ANK2: variants seen among roughly 807,000 people sequenced by gnomAD.
The protein encoded by ANK2 is ankyrin 2.
A neutral mutation model predicts 360.5 loss-of-function variants in ANK2; 83 were observed. That is an observed-to-expected ratio of 0.23 (90% CI 0.19 to 0.28). The LOEUF (loss-of-function observed/expected upper bound fraction) is 0.28. ANK2 is among the 10% of genes least tolerant of loss of function. The pLI is 1.00. For missense variants in ANK2, 4,201 were observed against 4,795.7 expected (o/e 0.88, Z 3.66); for synonymous variants, 1,740 against 1,759.5 (o/e 0.99, Z 0.28).
At chr4:112,868,769 A>G (rs2071660031) in intron 1 of ANK2, among the ~76,000 whole-genome samples, 1 of 152,200 alleles carries the variant, frequency 6.6e-6, no homozygotes, top group African/African-American at 2.4e-5. Context: ...ATGTTTTGAT[A>G]TGTATATATA....
At chr4:112,779,801 T>C in the ANK2 span, among the ~76,000 whole-genome samples, 1 of 152,234 alleles carries the variant, frequency 6.6e-6, no homozygotes, top group Non-Finnish European at 1.5e-5. Flanking sequence ...ATGAAACCTT[T>C]ATGATAGAGC....
chr4:112,880,409 A>G (rs993231179), intron 1 of ANK2: 4 of 152,194 alleles, frequency 2.6e-5, no homozygotes, highest in Non-Finnish European at 5.9e-5. Context: ...TACAAAGTCA[A>G]TGAGTATTGG....
intron 24 of ANK2, among the ~76,000 whole-genome samples, chr4:113,313,904 A>G (rs961098424): frequency 6.6e-6 from 1 of 152,228 alleles, no homozygotes; most frequent in African/African-American, 2.4e-5. Flanking sequence ...CTGAGCTAGA[A>G]GAGGTGAATA....
At chr4:112,904,406 A>G (rs2084507260) in intron 1 of ANK2, 2 of 1,098,844 alleles carry the variant, frequency 1.8e-6, no homozygotes, top group South Asian at 1.6e-5. Flanking sequence ...TTAATGATAA[A>G]TTGAAATGAT....
rs558848519 is a variant in ANK2, at chr4:113,163,010, A to AT, written c.85-11405dup. Among the ~76,000 whole-genome samples the AT allele has an allele frequency of 3.7e-3, 556 of 152,310 alleles. 4 individuals carry two copies. Among genetic ancestry groups the AT allele is most frequent in the African/African-American group, 0.013 (525 of 41,576 alleles). ...TATAATTTTTTTCCAGTAGGTTTAC[A>AT]TATTTAGATAGATACAGCTAGATCC... On this transcript the variant is annotated intron_variant, in intron 1 of 45. Transcript: ENST00000357077.
chr4:113,375,638 T>C (rs2096899627), intron 45 of ANK2, among the ~76,000 whole-genome samples: 1 of 151,018 alleles, frequency 6.6e-6, no homozygotes, highest in South Asian at 2.1e-4. Flanking sequence ...GGCAGGAGAA[T>C]GGTGTGAACC....
At chr4:112,746,520 A>AT in the ANK2 span, among the ~76,000 whole-genome samples, 1 of 151,370 alleles carries the variant, frequency 6.6e-6, no homozygotes, top group South Asian at 2.1e-4. Flanking sequence ...AAAAAAAAAA[A>AT]AAAGAGAAAA....
At position 112,955,091 on chromosome 4, in the gene ANK2, T is replaced by A. The variant is rs2154255212; in HGVS notation, c.21+50577T>A. On this transcript the variant is annotated intron_variant, in intron 2 of 30. Transcript: ENST00000503271. ...ATGACAATGTAAGTGAAAAATAGGA[T>A]GAAAATTATTCTTTGATATAAATCA... 2.0e-5 allele frequency among the ~76,000 whole-genome samples: 3 copies of A among 152,278 alleles called. No individual in the cohort carries two copies. In the South Asian group the frequency reaches 6.2e-4, roughly 32 times the overall value.
chr4:113,144,759 T>C (rs926144816), intron 1 of ANK2, among the ~76,000 whole-genome samples: 5 of 147,696 alleles, frequency 3.4e-5, no homozygotes, highest in Non-Finnish European at 7.5e-5. Flanking sequence ...ATATTTTATA[T>C]GGTTTTTAAA....
At chr4:113,208,341 T>A (rs1427034572) in intron 4 of ANK2, among the ~76,000 whole-genome samples, 1 of 151,898 alleles carries the variant, frequency 6.6e-6, no homozygotes, top group African/African-American at 2.4e-5. Context: ...GGGACTGTTA[T>A]AAGACTGATT....
chr4:113,201,083 T>C (rs1034715511), intron 4 of ANK2, among the ~76,000 whole-genome samples: 1 of 152,032 alleles, frequency 6.6e-6, no homozygotes. Context: ...TAACGATTTC[T>C]TTTCCTTTGG....
At chr4:112,836,677 CAA>C (rs1486917727) in intron 1 of ANK2, among the ~76,000 whole-genome samples, 1 of 152,186 alleles carries the variant, frequency 6.6e-6, no homozygotes, top group Non-Finnish European at 1.5e-5. Flanking sequence ...CATGCTTTAG[CAA>C]AGAGACTGGT....
chr4:113,324,512 A>G (rs973270082), intron 26 of ANK2, among the ~76,000 whole-genome samples: 1 of 152,176 alleles, frequency 6.6e-6, no homozygotes, highest in Admixed American at 6.5e-5. Context: ...GAAAACTTTT[A>G]TATACATCCT....
At chr4:113,262,266 C>T (rs1174899778) in intron 13 of ANK2, among the ~76,000 whole-genome samples, 2 of 152,228 alleles carry the variant, frequency 1.3e-5, no homozygotes, top group East Asian at 3.9e-4. Context: ...TGCCCTGTCA[C>T]CTAAGCTGGA....
At chr4:113,050,469 T>C (rs1345158812) in intron 1 of ANK2, among the ~76,000 whole-genome samples, 1 of 152,152 alleles carries the variant, frequency 6.6e-6, no homozygotes, top group African/African-American at 2.4e-5. Context: ...TTTCTTACTG[T>C]GGCATACATT....
chr4:113,236,034 G>T (rs2099376714), intron 5 of ANK2, among the ~76,000 whole-genome samples: 1 of 152,120 alleles, frequency 6.6e-6, no homozygotes, highest in Admixed American at 6.5e-5. Flanking sequence ...CACCGTGCCT[G>T]GCCCCAGTCT....
intron 1 of ANK2, chr4:113,145,530 A>G: frequency 1.0e-6 from 1 of 963,550 alleles, no homozygotes; most frequent in Non-Finnish European, 1.2e-6. Context: ...GGTGAAAAAC[A>G]AAACAACACC....
At chr4:113,009,241 A>T (rs1232012367) in intron 2 of ANK2, among the ~76,000 whole-genome samples, 1 of 152,208 alleles carries the variant, frequency 6.6e-6, no homozygotes, top group Non-Finnish European at 1.5e-5. Flanking sequence ...CCTCAAAATG[A>T]TGGCAAATCC....
intron 4 of ANK2, among the ~76,000 whole-genome samples, chr4:113,229,290 T>TGCCTTTCTC (rs1471206240): frequency 1.3e-5 from 2 of 152,300 alleles, no homozygotes; most frequent in Non-Finnish European, 2.9e-5. Flanking sequence ...TCCCTTTTCT[T>TGCCTTTCTC]GCCTTTCTCA....
Sources: allele counts gnomAD v4.1 joint callset (sites outside exome capture counted in the v4.1 genomes callset), GRCh38; gene constraint gnomAD v4.1.1; transcripts MANE v1.5; gene names NCBI Gene and HGNC (gene_info 2026-07-23, HGNC 2026-07-21).